Variants in TOR1AIP1 observed in about 807,000 individuals in gnomAD.
TOR1AIP1 encodes the protein torsin 1A interacting protein 1, also known as torsin-1A-interacting protein 1.
In TOR1AIP1, 54 loss-of-function variants were observed where a neutral mutation model predicts 63.3. That is an observed-to-expected ratio of 0.85 (90% CI 0.69 to 1.07). The LOEUF (loss-of-function observed/expected upper bound fraction) is 1.07, where lower values mean the gene tolerates loss of function less well. Among genes scored for constraint, TOR1AIP1 ranks in the 50% least tolerant of loss-of-function variants. TOR1AIP1 has a pLI of 0.00. For missense variants in TOR1AIP1, 736 were observed against 715.0 expected (o/e 1.03, Z -0.33); for synonymous variants, 294 against 273.5 (o/e 1.07, Z -0.74).
rs760556703 is a variant in TOR1AIP1 at position 179,917,668 on chromosome 1, T to C, written c.1181T>C (p.Leu394Pro). The change falls in exon 10 of 10, where the codon CTG becomes CCG. Residue 394 changes from leucine to proline, a missense_variant. Physicochemically the swap from Leu to Pro is moderately conservative, Grantham distance 98. Transcript: ENST00000606911. ...EKLWKRSQTF[L>P]EKHLNSSHPR... ...CTGTGGAAAAGGAGCCAAACATTCCTGGAAAAACATCTTAATAGCTCCCAT... is the reference window on the plus strand; with the variant it reads ...CTGTGGAAAAGGAGCCAAACATTCCCGGAAAAACATCTTAATAGCTCCCAT... 27 of 1,614,078 alleles carry C rather than the reference T, an allele frequency of 1.7e-5. No homozygotes were observed. Among genetic ancestry groups the C allele is most frequent in the Non-Finnish European group, 2.3e-5 (27 of 1,180,044 alleles).
At chr1:179,888,774 C>T (rs975311754) in intron 2 of TOR1AIP1, among the ~76,000 whole-genome samples, 2 of 152,198 alleles carry the variant, frequency 1.3e-5, no homozygotes, top group South Asian at 2.1e-4. Context: ...GGATCGGCTT[C>T]TCCGCTATCC....
intron 6 of TOR1AIP1, among the ~76,000 whole-genome samples, chr1:179,906,721 C>T (rs1024338087): frequency 1.4e-5 from 2 of 140,250 alleles, no homozygotes; most frequent in South Asian, 2.3e-4. Context: ...GGAAAAATTA[C>T]CAATTTTGGT....
intron 9 of TOR1AIP1, among the ~76,000 whole-genome samples, chr1:179,917,222 A>C (rs1304795170): frequency 6.6e-6 from 1 of 152,200 alleles, no homozygotes; most frequent in Non-Finnish European, 1.5e-5. Flanking sequence ...ACTTATTTTT[A>C]TATTGAAGAG....
At chr1:179,916,645 G>C (rs1648995139) in intron 9 of TOR1AIP1, among the ~76,000 whole-genome samples, 1 of 151,574 alleles carries the variant, frequency 6.6e-6, no homozygotes, top group Non-Finnish European at 1.5e-5. Flanking sequence ...TTAATCTAAA[G>C]GGACAGCTAG....
intron 5 of TOR1AIP1, 126 bp from the exon 6 acceptor site, chr1:179,903,840 G>A (rs973146135): frequency 5.8e-5 from 35 of 600,678 alleles, no homozygotes; most frequent in Admixed American, 4.1e-4. Flanking sequence ...ATGCATCCAC[G>A]TTTTTAACCA....
chr1:179,893,986 G>T (rs900757441), intron 3 of TOR1AIP1, among the ~76,000 whole-genome samples: 4 of 152,036 alleles, frequency 2.6e-5, no homozygotes, highest in Non-Finnish European at 4.4e-5. Flanking sequence ...CAACAAGGCC[G>T]GGCACGGTGG....
chr1:179,911,175 A>G (rs1256110378), intron 8 of TOR1AIP1, among the ~76,000 whole-genome samples: 1 of 152,254 alleles, frequency 6.6e-6, no homozygotes, highest in Admixed American at 6.5e-5. Flanking sequence ...GAGGACTTTA[A>G]GATAGAACGA....
At position 179,917,733 on chromosome 1, in the gene TOR1AIP1, CGAGATGCTGAAGAA is replaced by C; in HGVS notation, c.1248_1261del (p.Asp417ThrfsTer2). ...TGCTATCTTACTGCTCACTGCTGCC[CGAGATGCTGAAGAA>C]GCACTTAGGTGTCTGAGTGAACAAA... On this transcript the variant is annotated frameshift_variant, in exon 10 of 10. Transcript: ENST00000606911. LOFTEE classifies it high-confidence loss of function. 1 of 1,614,156 alleles carries C rather than the reference CGAGATGCTGAAGAA, an allele frequency of 6.2e-7. No individual in the cohort carries two copies. The highest frequency in any genetic ancestry group is 1.3e-5 in the African/African-American group (1 of 75,046).
chr1:179,896,979 G>A (rs1025038324), intron 3 of TOR1AIP1, among the ~76,000 whole-genome samples: 11 of 152,042 alleles, frequency 7.2e-5, no homozygotes, highest in African/African-American at 1.9e-4. Context: ...TCAAATCTAC[G>A]GGGATTATTA....
chr1:179,883,455 G>A (rs901352815), intron 1 of TOR1AIP1, among the ~76,000 whole-genome samples: 2 of 152,224 alleles, frequency 1.3e-5, no homozygotes, highest in African/African-American at 2.4e-5. Context: ...GGGCAGAGAG[G>A]AAGGAGAAAT....
chr1:179,884,553 G>T, intron 1 of TOR1AIP1, 139 bp from the exon 2 acceptor site: 2 of 622,518 alleles, frequency 3.2e-6, no homozygotes, highest in African/African-American at 1.9e-5. Context: ...CTAAGTTTTG[G>T]TAAACCTAAC....
Position 179,882,336 on chromosome 1 carries a change from G to A in TOR1AIP1, c.-167G>A. 1 of 609,028 alleles carries A rather than the reference G, an allele frequency of 1.6e-6. No individual in the cohort carries two copies. Among genetic ancestry groups the A allele is most frequent in the Non-Finnish European group, 2.6e-6 (1 of 389,040 alleles). The allele number at this position is 609,028 out of a possible 1,614,324, so 37.7% of individuals were successfully genotyped here. ...ACACCATGGGCCCAGAGGCAGGTTT[G>A]CTACACAGCAGCGACGACGCAGGCG... is the stretch of plus-strand genomic sequence containing the variant. On this transcript the variant is annotated 5_prime_UTR_variant, in exon 1 of 10. Coordinates refer to ENST00000606911, the MANE Select transcript of TOR1AIP1 (RefSeq NM_015602.4).
chr1:179,892,534 G>A (rs1017445261), intron 3 of TOR1AIP1, among the ~76,000 whole-genome samples: 11 of 151,288 alleles, frequency 7.3e-5, no homozygotes, highest in South Asian at 2.1e-4. Flanking sequence ...TCAGGAGATC[G>A]AGATCATCCT....
intron 6 of TOR1AIP1, among the ~76,000 whole-genome samples, chr1:179,907,063 A>G (rs1648660340): frequency 6.6e-6 from 1 of 151,720 alleles, no homozygotes; most frequent in South Asian, 2.1e-4. Flanking sequence ...TAAAATACGA[A>G]CAGTAATAGC....
intron 8 of TOR1AIP1, among the ~76,000 whole-genome samples, chr1:179,910,487 A>G (rs1648798979): frequency 6.6e-6 from 1 of 152,194 alleles, no homozygotes; most frequent in African/African-American, 2.4e-5. Context: ...TAAGCAGTCT[A>G]GAACCGAAAT....
At chr1:179,890,197 C>G (rs12119285) in intron 3 of TOR1AIP1, among the ~76,000 whole-genome samples, 1 of 152,068 alleles carries the variant, frequency 6.6e-6, no homozygotes, top group Non-Finnish European at 1.5e-5. Flanking sequence ...TTGACTAAAA[C>G]GATTAAAAGT....
chr1:179,883,141 C>T lies in TOR1AIP1; in HGVS notation c.475+164C>T. On this transcript the variant is annotated intron_variant, in intron 1 of 9. Coordinates refer to ENST00000606911, the MANE Select transcript of TOR1AIP1 (RefSeq NM_015602.4). ...CTTGTGCCGCCGTGCAAGGGCCACC[C>T]TGACCCGCAGCGGGGAAGGAAGCGC... The T allele has an allele frequency of 7.4e-6, 5 of 680,212 alleles. No homozygotes were observed. The South Asian group carries it at 9.6e-5, about 13-fold the overall frequency. The allele number at this position is 680,212 out of a possible 1,614,324, so 42.1% of individuals were successfully genotyped here.
intron 6 of TOR1AIP1, chr1:179,904,611 T>G (rs1310812753): frequency 6.6e-6 from 1 of 152,264 alleles, no homozygotes; most frequent in East Asian, 1.9e-4. Context: ...TGGTGACATT[T>G]TTTTAACTTT....
At chr1:179,884,352 T>G (rs1362900769) in intron 1 of TOR1AIP1, among the ~76,000 whole-genome samples, 2 of 152,220 alleles carry the variant, frequency 1.3e-5, no homozygotes, top group Admixed American at 6.5e-5. Context: ...TTTACCCCTA[T>G]TTTATTAAAT....
Sources: gnomAD v4.1 joint callset for allele counts (sites outside exome capture counted in the v4.1 genomes callset) on GRCh38, gnomAD v4.1.1 for gene constraint, MANE v1.5 for transcripts, NCBI Gene and HGNC (gene_info 2026-07-23, HGNC 2026-07-21) for gene names.